IL1RAPL1: variants seen among roughly 807,000 people sequenced by gnomAD.
IL1RAPL1 encodes interleukin 1 receptor accessory protein like 1.
A neutral mutation model predicts 48.4 loss-of-function variants in IL1RAPL1; 3 were observed. The ratio of observed to expected loss-of-function variants is 0.06; its 90% confidence interval spans 0.03 to 0.16. The LOEUF (loss-of-function observed/expected upper bound fraction) is 0.16, where lower values mean the gene tolerates loss of function less well. IL1RAPL1 is among the 10% of genes least tolerant of loss of function. The pLI is 1.00. For missense variants in IL1RAPL1, 349 were observed against 530.6 expected, an observed-to-expected ratio of 0.66 and a Z score of 3.36; for synonymous variants, 185 against 187.7, an observed-to-expected ratio of 0.99 and a Z score of 0.12.
intron 2 of IL1RAPL1, among the ~76,000 whole-genome samples, chrX:28,996,670 T>C (rs748905708): frequency 1.8e-5 from 2 of 110,920 alleles, no homozygotes; most frequent in East Asian, 5.7e-4. Context: ...AAATGTACCA[T>C]TTTACGTGTA....
intron 2 of IL1RAPL1, among the ~76,000 whole-genome samples, chrX:29,148,875 C>T (rs899303522): frequency 5.4e-5 from 6 of 111,538 alleles, no homozygotes; most frequent in African/African-American, 1.6e-4. Flanking sequence ...CTGTGTTCAA[C>T]GTACCCAGAT....
intron 5 of IL1RAPL1, among the ~76,000 whole-genome samples, chrX:29,480,171 T>A (rs185710545): frequency 2.7e-4 from 29 of 108,412 alleles, no homozygotes; most frequent in African/African-American, 8.4e-4. Context: ...TTATTGCTGT[T>A]CTATATATTT....
chrX:29,884,048 C>G (rs1251422903), intron 6 of IL1RAPL1, among the ~76,000 whole-genome samples: 1 of 111,408 alleles, frequency 9.0e-6, no homozygotes, highest in East Asian at 2.8e-4. Context: ...TTATTAGCCA[C>G]TCACCTAACT....
intron 6 of IL1RAPL1, among the ~76,000 whole-genome samples, chrX:29,714,674 C>G (rs781050030): frequency 9.0e-6 from 1 of 111,719 alleles, no homozygotes; most frequent in South Asian, 3.8e-4. Context: ...GTTTAGCTGC[C>G]TTAGATTCTA....
At chrX:29,593,543 C>T (rs1044170429) in intron 5 of IL1RAPL1, among the ~76,000 whole-genome samples, 10 of 111,621 alleles carry the variant, frequency 9.0e-5, no homozygotes, top group African/African-American at 1.3e-4. Flanking sequence ...CTTAATATCT[C>T]GTACAGTGGA....
At chrX:29,418,558 G>A (rs181751528) in intron 5 of IL1RAPL1, among the ~76,000 whole-genome samples, 12 of 111,818 alleles carry the variant, frequency 1.1e-4, no homozygotes, top group Non-Finnish European at 2.3e-4. Flanking sequence ...ATTAGATATT[G>A]TTGCTATGGC....
At chrX:28,694,892 A>G (rs1006540515) in intron 1 of IL1RAPL1, among the ~76,000 whole-genome samples, 10 of 111,097 alleles carry the variant, frequency 9.0e-5, no homozygotes, top group Admixed American at 6.7e-4. Flanking sequence ...TGCTTCCTGA[A>G]TTCCACCTTT....
At chrX:29,876,421 A>G (rs1442223033) in intron 6 of IL1RAPL1, among the ~76,000 whole-genome samples, 2 of 111,786 alleles carry the variant, frequency 1.8e-5, no homozygotes, top group Non-Finnish European at 3.8e-5. Context: ...CTTTCGCTTT[A>G]AGGAAGGAGA....
intron 5 of IL1RAPL1, among the ~76,000 whole-genome samples, chrX:29,400,004 C>G (rs750934361): frequency 9.0e-6 from 1 of 111,633 alleles, no homozygotes; most frequent in Non-Finnish European, 1.9e-5. Context: ...TTAGAAAAGT[C>G]GCTTTTCTCT....
chrX:29,053,073 A>T (rs1927132937), intron 2 of IL1RAPL1, among the ~76,000 whole-genome samples: 1 of 110,347 alleles, frequency 9.1e-6, no homozygotes, highest in African/African-American at 3.3e-5. Flanking sequence ...GTTCCCCTTT[A>T]TGTGCTCATG....
At chrX:29,056,858 A>G (rs1927226897) in intron 2 of IL1RAPL1, among the ~76,000 whole-genome samples, 1 of 112,266 alleles carries the variant, frequency 8.9e-6, no homozygotes, top group African/African-American at 3.2e-5. Flanking sequence ...AGAGCATTTT[A>G]AAATCTGATA....
chrX:29,260,359 G>A (rs773771996), intron 2 of IL1RAPL1, among the ~76,000 whole-genome samples: 89 of 112,107 alleles, frequency 7.9e-4, no homozygotes, highest in Non-Finnish European at 1.4e-3. Context: ...TAACGGACTC[G>A]CAGTTCCACA....
chrX:28,727,132 C>A (rs1935686345), intron 1 of IL1RAPL1, among the ~76,000 whole-genome samples: 1 of 111,092 alleles, frequency 9.0e-6, no homozygotes, highest in Non-Finnish European at 1.9e-5. Flanking sequence ...GGCAGTATGG[C>A]CATTTTCACG....
At chrX:28,705,939 G>A (rs1426577325) in intron 1 of IL1RAPL1, among the ~76,000 whole-genome samples, 1 of 111,855 alleles carries the variant, frequency 8.9e-6, no homozygotes, top group East Asian at 2.8e-4. Flanking sequence ...GAAAAGCCCA[G>A]GTGCTGTGGT....
chrX:29,606,590 A>G (rs747570023), intron 5 of IL1RAPL1, among the ~76,000 whole-genome samples: 191 of 112,147 alleles, frequency 1.7e-3, no homozygotes, highest in Non-Finnish European at 2.9e-3. Flanking sequence ...CCATGAATAA[A>G]CATTTAACTC....
intron 2 of IL1RAPL1, among the ~76,000 whole-genome samples, chrX:28,962,430 G>A (rs1924803634): frequency 9.0e-6 from 1 of 111,171 alleles, no homozygotes; most frequent in South Asian, 3.7e-4. Context: ...TCATTTCCAA[G>A]TTTCAGTTAT....
chrX:28,939,126 G>A (rs763334376), intron 2 of IL1RAPL1, among the ~76,000 whole-genome samples: 26 of 110,665 alleles, frequency 2.3e-4, no homozygotes, highest in Non-Finnish European at 4.6e-4. Flanking sequence ...GCAGTGTGAC[G>A]ATTCCTCAAA....
chrX:28,924,506 A>G (rs1040378294), intron 2 of IL1RAPL1, among the ~76,000 whole-genome samples: 8 of 111,756 alleles, frequency 7.2e-5, no homozygotes, highest in African/African-American at 2.6e-4. Flanking sequence ...ACAGATGCTG[A>G]ATGGCATAGG....
At chrX:29,192,765 T>C (rs1168399552) in intron 2 of IL1RAPL1, among the ~76,000 whole-genome samples, 1 of 111,973 alleles carries the variant, frequency 8.9e-6, no homozygotes, top group Non-Finnish European at 1.9e-5. Flanking sequence ...ATCTATTTTC[T>C]TTGACTGTTG....
Sources: gnomAD v4.1 joint callset for allele counts (sites outside exome capture counted in the v4.1 genomes callset) on GRCh38, gnomAD v4.1.1 for gene constraint, MANE v1.5 for transcripts, NCBI Gene and HGNC (gene_info 2026-07-23, HGNC 2026-07-21) for gene names.